VSTM4: variants seen among roughly 807,000 people sequenced by gnomAD.
VSTM4 encodes the protein V-set and transmembrane domain containing 4, also known as V-set and transmembrane domain-containing protein 4.
In VSTM4, 20 loss-of-function variants were observed where a neutral mutation model predicts 36.4. The observed-to-expected ratio is 0.55, with a 90% CI of 0.39 to 0.80. The LOEUF is 0.80. VSTM4 is among the 30% of genes least tolerant of loss of function. VSTM4 has a pLI of 0.00. For synonymous variants in VSTM4, 182 were observed against 173.9 expected (o/e 1.05, Z -0.37); for missense variants, 392 against 404.5 (o/e 0.97, Z 0.26).
chr10:49,025,988 T>G (rs1843255228), intron 7 of VSTM4, among the ~76,000 whole-genome samples: 1 of 152,156 alleles, frequency 6.6e-6, no homozygotes, highest in Admixed American at 6.5e-5. Context: ...CAGCCCCACC[T>G]GAGGAAGAGA....
intron 3 of VSTM4, among the ~76,000 whole-genome samples, chr10:49,084,957 C>T (rs528685920): frequency 6.6e-6 from 1 of 152,330 alleles, no homozygotes; most frequent in African/African-American, 2.4e-5. Flanking sequence ...CACTAGATGC[C>T]AGGAGTACCC....
intron 7 of VSTM4, among the ~76,000 whole-genome samples, chr10:49,045,508 A>G (rs1843594378): frequency 6.6e-6 from 1 of 152,214 alleles, no homozygotes; most frequent in Admixed American, 6.5e-5. Flanking sequence ...AAGTTCAAGG[A>G]AAAACAAGAT....
At chr10:49,030,287 T>C (rs887610944) in intron 7 of VSTM4, among the ~76,000 whole-genome samples, 1 of 152,192 alleles carries the variant, frequency 6.6e-6, no homozygotes, top group African/African-American at 2.4e-5. Flanking sequence ...TTCACTCAGA[T>C]GTGAGGGCTG....
At chr10:49,053,770 G>T (rs1243302949) in intron 5 of VSTM4, among the ~76,000 whole-genome samples, 2 of 152,110 alleles carry the variant, frequency 1.3e-5, no homozygotes, top group Non-Finnish European at 2.9e-5. Context: ...TCCTGCCCAG[G>T]ATATTACAGC....
chr10:49,108,056 C>T, intron 1 of VSTM4, 61 bp from the exon 2 acceptor site: 1 of 1,488,864 alleles, frequency 6.7e-7, no homozygotes, highest in Non-Finnish European at 9.0e-7. Flanking sequence ...TGTGGGCAGT[C>T]CACAGTCGAG....
chr10:49,105,511 G>C (rs1199109494), intron 2 of VSTM4, among the ~76,000 whole-genome samples: 1 of 152,072 alleles, frequency 6.6e-6, no homozygotes, highest in African/African-American at 2.4e-5. Flanking sequence ...AGAGAAACCA[G>C]AGGACCAGGG....
chr10:49,092,376 A>G (rs1245434156), intron 2 of VSTM4, among the ~76,000 whole-genome samples: 1 of 152,118 alleles, frequency 6.6e-6, no homozygotes, highest in Non-Finnish European at 1.5e-5. Flanking sequence ...GGGAGAGGAG[A>G]GTCCTGCTGT....
chr10:49,104,995 A>C (rs1422836383), intron 2 of VSTM4, among the ~76,000 whole-genome samples: 1 of 92,374 alleles, frequency 1.1e-5, no homozygotes, highest in Admixed American at 1.1e-4. Flanking sequence ...AGACACAGAG[A>C]GACAGAGAGA....
intron 2 of VSTM4, among the ~76,000 whole-genome samples, chr10:49,096,641 G>A (rs1371530184): frequency 6.8e-6 from 1 of 146,636 alleles, no homozygotes; most frequent in Non-Finnish European, 1.5e-5. Flanking sequence ...GTGTGTGTGT[G>A]TGTGTGTGTG....
At chr10:49,027,430 T>A (rs549198444) in intron 7 of VSTM4, among the ~76,000 whole-genome samples, 1 of 152,342 alleles carries the variant, frequency 6.6e-6, no homozygotes, top group Non-Finnish European at 1.5e-5. Flanking sequence ...GATGACATAA[T>A]GGAGGTTTCT....
intron 5 of VSTM4, among the ~76,000 whole-genome samples, chr10:49,059,819 A>T (rs1843844145): frequency 6.6e-6 from 1 of 152,236 alleles, no homozygotes; most frequent in African/African-American, 2.4e-5. Flanking sequence ...ACAGTTTTAA[A>T]ACATTTCTAT....
Position 49,024,186 on chromosome 10 carries a change from A to G in VSTM4, c.838-4411T>C, listed in dbSNP as rs562847077. ...GGTCAGATTCTCTTTCTATTCCTCA[A>G]ATAAAGGCCTGGCATTTGTTGTATT... On this transcript the variant is annotated intron_variant, in intron 7 of 7. Transcript: ENST00000332853. 2.5e-3 allele frequency among the ~76,000 whole-genome samples: 372 copies of G among 151,374 alleles called. 1 individual carries two copies. The highest frequency in any genetic ancestry group is 3.1e-3 in the Non-Finnish European group (210 of 68,020).
intron 5 of VSTM4, among the ~76,000 whole-genome samples, chr10:49,049,121 T>C (rs1219800772): frequency 6.6e-6 from 1 of 152,220 alleles, no homozygotes; most frequent in Non-Finnish European, 1.5e-5. Context: ...GGGTCCCCTG[T>C]GACTGCCGGA....
At chr10:49,075,196 G>A (rs971020254) in intron 4 of VSTM4, among the ~76,000 whole-genome samples, 8 of 152,236 alleles carry the variant, frequency 5.3e-5, no homozygotes, top group African/African-American at 1.7e-4. Context: ...GATGCCAGGT[G>A]CTTGCACATG....
chr10:49,105,329 C>CCG (rs60466424), intron 2 of VSTM4, among the ~76,000 whole-genome samples: 1 of 122,650 alleles, frequency 8.2e-6, no homozygotes, highest in Non-Finnish European at 1.7e-5. Context: ...GAGAGAGAGA[C>CCG]GGGGGGGGGA....
chr10:49,015,478 G>A lies in VSTM4; in HGVS notation c.*4172C>T, dbSNP rs545605854. Reference sequence around the variant, plus strand: ...TGTGCATGCATTAAAGGTTGAGAAAGCACTAGTCTACATGCCCATCTATCT... The same window carrying A: ...TGTGCATGCATTAAAGGTTGAGAAAACACTAGTCTACATGCCCATCTATCT... On this transcript the variant is annotated 3_prime_UTR_variant, in exon 8 of 8. Transcript: ENST00000332853. The A allele has an allele frequency of 3.1e-4, 47 of 152,254 alleles. No individual in the cohort carries two copies. Among genetic ancestry groups the A allele is most frequent in the African/African-American group, 1.1e-3 (44 of 41,524 alleles). 9.4% of individuals were successfully genotyped at this position (152,254 alleles called of 1,614,324 possible).
chr10:49,019,344 G>T lies in VSTM4; in HGVS notation c.*306C>A, dbSNP rs1489207738. 4 of 229,040 alleles carry T rather than the reference G, an allele frequency of 1.7e-5. No homozygotes were observed. Among genetic ancestry groups the T allele is most frequent in the Non-Finnish European group, 3.3e-5 (4 of 119,460 alleles). 14.2% of individuals were successfully genotyped at this position (229,040 alleles called of 1,614,324 possible). A position where few individuals can be genotyped will look rare whatever the true frequency, so the allele number is the denominator to read the frequency against. On this transcript the variant is annotated 3_prime_UTR_variant, in exon 8 of 8. Coordinates refer to ENST00000332853, the MANE Select transcript of VSTM4 (RefSeq NM_001031746.5). Reference sequence around the variant, plus strand: ...TTAAAGAAAACCTGGGGAAAGAGGAGAAAAATGTGAAGGGGTTTGGCTCAG... The same window carrying T: ...TTAAAGAAAACCTGGGGAAAGAGGATAAAAATGTGAAGGGGTTTGGCTCAG...
intron 5 of VSTM4, chr10:49,064,432 A>T: frequency 6.7e-6 from 3 of 445,544 alleles, no homozygotes; most frequent in Non-Finnish European, 1.2e-5. Context: ...TAAACTGGGG[A>T]GCAGCTCTGC....
At chr10:49,050,326 G>A (rs1292134660) in intron 5 of VSTM4, among the ~76,000 whole-genome samples, 3 of 152,146 alleles carry the variant, frequency 2.0e-5, no homozygotes, top group Admixed American at 1.3e-4. Context: ...GGGTGCTAAG[G>A]AACTAAACAG....
Sources: allele counts gnomAD v4.1 joint callset (sites outside exome capture counted in the v4.1 genomes callset), GRCh38; gene constraint gnomAD v4.1.1; transcripts MANE v1.5; gene names NCBI Gene and HGNC (gene_info 2026-07-23, HGNC 2026-07-21).